CPEB3: variants seen among roughly 807,000 people sequenced by gnomAD.
CPEB3 encodes the protein cytoplasmic polyadenylation element binding protein 3.
Under a neutral mutation model 67.2 loss-of-function variants are expected in CPEB3, and 20 were observed. That is an observed-to-expected ratio of 0.30 (90% CI 0.21 to 0.43). The LOEUF is 0.43. CPEB3 is among the 20% of genes least tolerant of loss of function. The pLI is 1.00. For missense variants in CPEB3, 746 were observed against 968.6 expected, an observed-to-expected ratio of 0.77 and a Z score of 3.05; for synonymous variants, 376 against 393.1, an observed-to-expected ratio of 0.96 and a Z score of 0.51.
chr10:92,266,776 G>A (rs2134955252), intron 1 of CPEB3, among the ~76,000 whole-genome samples: 1 of 152,322 alleles, frequency 6.6e-6, no homozygotes. Context: ...GCTCACGCCT[G>A]TAATCCCAGC....
rs1851753256 is a variant in CPEB3 at position 92,239,995 on chromosome 10, A to G, written c.356T>C (p.Val119Ala). 1 of 1,611,094 alleles carries G rather than the reference A, an allele frequency of 6.2e-7. No homozygotes were observed. Among genetic ancestry groups the G allele is most frequent in the South Asian group, 1.1e-5 (1 of 90,512 alleles). The change falls in exon 2 of 10, where the codon GTA becomes GCA. Residue 119 changes from valine (V) to alanine (A), a missense_variant. Transcript: ENST00000265997. The surrounding 1 kb of genome is among the most constrained non-coding windows in gnomAD (Gnocchi z 6.0). Reference sequence around the variant, plus strand: ...GATCCCCTGGAAGAAGCTGTCCTCTACCGCGTTGGTGGTGCCCGTGGACCA... The same window carrying G: ...GATCCCCTGGAAGAAGCTGTCCTCTGCCGCGTTGGTGGTGCCCGTGGACCA... ...STWSTGTTNA[V>A]EDSFFQGITP...
At chr10:92,285,056 T>C (rs1564933159) in intron 1 of CPEB3, among the ~76,000 whole-genome samples, 2 of 152,140 alleles carry the variant, frequency 1.3e-5, no homozygotes, top group South Asian at 2.1e-4. Flanking sequence ...TGCTGCACCA[T>C]AATATGGCAG....
chr10:92,234,697 G>C (rs899693600), intron 2 of CPEB3, among the ~76,000 whole-genome samples: 2 of 152,170 alleles, frequency 1.3e-5, no homozygotes, highest in African/African-American at 4.8e-5. Flanking sequence ...GGGAGGGCGA[G>C]GTGGCAGATC....
At chr10:92,242,080 A>G (rs188787712) in intron 1 of CPEB3, among the ~76,000 whole-genome samples, 2 of 152,338 alleles carry the variant, frequency 1.3e-5, no homozygotes, top group Admixed American at 6.5e-5. Flanking sequence ...TATCAGACAA[A>G]TGGGATTAAA....
rs1375792393 is a variant in CPEB3, at chr10:92,047,760, C to T, written c.*4452G>A. 6.6e-6 allele frequency: 1 copy of T among 152,176 alleles called. No individual in the cohort carries two copies. The highest frequency in any genetic ancestry group is 1.5e-5 in the Non-Finnish European group (1 of 68,026). 9.4% of individuals were successfully genotyped at this position (152,176 alleles called of 1,614,324 possible). On this transcript the variant is annotated 3_prime_UTR_variant, in exon 10 of 10. Coordinates refer to ENST00000265997, the MANE Select transcript of CPEB3 (RefSeq NM_014912.5). ...TACAAAACTGAATACATAGAGCATA[C>T]CCAAGACCAACTCTGGACACAAGTT...
At chr10:92,192,908 G>A (rs1020293253) in intron 2 of CPEB3, among the ~76,000 whole-genome samples, 14 of 152,088 alleles carry the variant, frequency 9.2e-5, no homozygotes, top group East Asian at 3.9e-4. Context: ...GTGAGCTACC[G>A]CGCTGATCCT....
At position 92,181,037 on chromosome 10, in the gene CPEB3, T is replaced by C. The variant is rs1459272639; in HGVS notation, c.1166-18A>G. The C allele has an allele frequency of 1.4e-6, 2 of 1,388,672 alleles. No homozygotes were observed. Among genetic ancestry groups the C allele is most frequent in the Non-Finnish European group, 2.0e-6 (2 of 978,952 alleles). 86.0% of individuals were successfully genotyped at this position (1,388,672 alleles called of 1,614,324 possible). ...CATGCGTCCTAAAAAATAAAATAAT[T>C]TTAAGCAAAAAGAATGTTTAATGTA... On this transcript the variant is annotated intron_variant, in intron 3 of 9. Coordinates refer to ENST00000265997, the MANE Select transcript of CPEB3 (RefSeq NM_014912.5).
chr10:92,250,367 C>T (rs765224554), intron 1 of CPEB3, among the ~76,000 whole-genome samples: 1 of 151,560 alleles, frequency 6.6e-6, no homozygotes, highest in African/African-American at 2.4e-5. Context: ...GATTTATAGG[C>T]GTGAGCCACT....
At chr10:92,165,246 G>T (rs1847681510) in intron 4 of CPEB3, among the ~76,000 whole-genome samples, 1 of 152,196 alleles carries the variant, frequency 6.6e-6, no homozygotes, top group Admixed American at 6.5e-5. Context: ...CAGGAGCTGA[G>T]TGCTACAGTG....
At chr10:92,281,582 A>T (rs1480693316) in intron 1 of CPEB3, among the ~76,000 whole-genome samples, 1 of 152,194 alleles carries the variant, frequency 6.6e-6, no homozygotes, top group African/African-American at 2.4e-5. Context: ...GTGTGCCACA[A>T]AAAAGCAACC....
intron 3 of CPEB3, among the ~76,000 whole-genome samples, chr10:92,188,320 TAAAAAAAAAAAAAA>T (rs756970118): frequency 3.0e-4 from 11 of 36,968 alleles, no homozygotes; most frequent in African/African-American, 6.2e-4. Flanking sequence ...TAAGACATAG[TAAAAAAAAAAAAAA>T]AAAAAAAAAA....
At chr10:92,161,558 C>T (rs1590271284) in intron 4 of CPEB3, among the ~76,000 whole-genome samples, 1 of 152,184 alleles carries the variant, frequency 6.6e-6, no homozygotes, top group East Asian at 1.9e-4. Context: ...CAGGCATGAG[C>T]CACCGCGCCC....
intron 2 of CPEB3, among the ~76,000 whole-genome samples, chr10:92,225,166 G>A (rs1311680184): frequency 6.6e-6 from 1 of 151,726 alleles, no homozygotes; most frequent in Non-Finnish European, 1.5e-5. Flanking sequence ...GTAGAGATGG[G>A]GTTGCACAAT....
At chr10:92,283,900 G>GT (rs1305066666) in intron 1 of CPEB3, among the ~76,000 whole-genome samples, 1 of 148,906 alleles carries the variant, frequency 6.7e-6, no homozygotes, top group African/African-American at 2.5e-5. Flanking sequence ...CTATTTTTTT[G>GT]TATTTTTAGT....
At chr10:92,155,201 T>A (rs1260673564) in intron 4 of CPEB3, among the ~76,000 whole-genome samples, 1 of 152,172 alleles carries the variant, frequency 6.6e-6, no homozygotes, top group African/African-American at 2.4e-5. Context: ...AAAGTGAGAC[T>A]CTGTCTCAAA....
At position 92,125,178 on chromosome 10, in the gene CPEB3, A is replaced by C. The variant is rs144426185; in HGVS notation, c.1454-13984T>G. On this transcript the variant is annotated intron_variant, in intron 6 of 9. Coordinates refer to ENST00000265997, the MANE Select transcript of CPEB3 (RefSeq NM_014912.5). ...AGTGGGTGGGAATCATTAGTGCACAAGGGTTTGGTCACTCTTGTATAAAGC... is the reference window on the plus strand; with the variant it reads ...AGTGGGTGGGAATCATTAGTGCACACGGGTTTGGTCACTCTTGTATAAAGC... Among the ~76,000 whole-genome samples, 449 of 152,360 alleles carry C rather than the reference A, an allele frequency of 2.9e-3. 1 individual carries two copies. Among genetic ancestry groups the C allele is most frequent in the Middle Eastern group, 0.01 (3 of 294 alleles).
chr10:92,186,025 T>C (rs1848671652), intron 3 of CPEB3, among the ~76,000 whole-genome samples: 1 of 151,944 alleles, frequency 6.6e-6, no homozygotes, highest in Admixed American at 6.6e-5. Flanking sequence ...TGTTAAATAT[T>C]TTGTGCCTCT....
At chr10:92,142,378 A>T (rs1846477899) in intron 6 of CPEB3, among the ~76,000 whole-genome samples, 1 of 152,248 alleles carries the variant, frequency 6.6e-6, no homozygotes, top group Non-Finnish European at 1.5e-5. Flanking sequence ...TTCTATATAA[A>T]TCTAGGAACA....
chr10:92,103,623 G>A (rs1438787150), intron 7 of CPEB3, among the ~76,000 whole-genome samples: 1 of 152,228 alleles, frequency 6.6e-6, no homozygotes, highest in Non-Finnish European at 1.5e-5. Context: ...TTACTAGTGA[G>A]TGACTAACCA....
Sources: gnomAD v4.1 joint callset for allele counts (sites outside exome capture counted in the v4.1 genomes callset) on GRCh38, gnomAD v4.1.1 for gene constraint, Gnocchi (gnomAD v3.1) non-coding constraint, MANE v1.5 for transcripts, NCBI Gene and HGNC (gene_info 2026-07-23, HGNC 2026-07-21) for gene names.